The following MGAT4D variants were observed in gnomAD, a reference collection of about 807,000 sequenced individuals.
MGAT4D encodes MGAT4 family member D.
A neutral mutation model predicts 15.9 loss-of-function variants in MGAT4D; 34 were observed. The ratio of observed to expected loss-of-function variants is 2.14; its 90% CI spans 1.62 to 2.84. The LOEUF (loss-of-function observed/expected upper bound fraction) is 2.84. Ranked by LOEUF, MGAT4D falls within the 30% of genes most tolerant of loss-of-function variation. The pLI, the probability that MGAT4D is intolerant of heterozygous loss-of-function variation, is 0.00. For missense variants in MGAT4D, 327 were observed against 140.2 expected, an observed-to-expected ratio of 2.33 and a Z score of -6.73; for synonymous variants, 112 against 48.2, an observed-to-expected ratio of 2.33 and a Z score of -5.49.
intron 6 of MGAT4D, among the ~76,000 whole-genome samples, chr4:140,463,503 C>G (rs890300625): frequency 6.6e-6 from 1 of 151,916 alleles, no homozygotes; most frequent in African/African-American, 2.4e-5. Flanking sequence ...CATCCCTGCT[C>G]GTAGGGTTGC....
chr4:140,489,725 G>A (rs1342348464), intron 1 of MGAT4D, among the ~76,000 whole-genome samples: 1 of 152,108 alleles, frequency 6.6e-6, no homozygotes, highest in Non-Finnish European at 1.5e-5. Context: ...ATGTTCCAAT[G>A]TACTGAATAT....
At chr4:140,476,704 C>T (rs1267799342) in intron 3 of MGAT4D, among the ~76,000 whole-genome samples, 1 of 152,192 alleles carries the variant, frequency 6.6e-6, no homozygotes, top group Non-Finnish European at 1.5e-5. Context: ...AGCCTTTGCA[C>T]ACGCCATTCT....
At chr4:140,446,598 T>C (rs1414886471) in intron 10 of MGAT4D, among the ~76,000 whole-genome samples, 1 of 151,980 alleles carries the variant, frequency 6.6e-6, no homozygotes, top group Non-Finnish European at 1.5e-5. Flanking sequence ...TTCATATGTC[T>C]TATTAATTTC....
chr4:140,454,507 T>C (rs1397054439), intron 9 of MGAT4D, among the ~76,000 whole-genome samples: 1 of 152,174 alleles, frequency 6.6e-6, no homozygotes, highest in East Asian at 1.9e-4. Context: ...CAATTTACTA[T>C]TACTGGGAAG....
intron 10 of MGAT4D, among the ~76,000 whole-genome samples, chr4:140,444,074 G>A (rs576251031): frequency 6.6e-6 from 1 of 152,112 alleles, no homozygotes; most frequent in Non-Finnish European, 1.5e-5. Flanking sequence ...ATTGTTGCAT[G>A]TATTTTCACA....
intron 2 of MGAT4D, among the ~76,000 whole-genome samples, chr4:140,480,014 T>C (rs577706618): frequency 6.6e-6 from 1 of 152,178 alleles, no homozygotes; most frequent in Non-Finnish European, 1.5e-5. Flanking sequence ...AATGACTATA[T>C]TTGTAAACTT....
At chr4:140,455,109 C>T (rs13110530) in intron 9 of MGAT4D, among the ~76,000 whole-genome samples, 2,782 of 152,100 alleles carry the variant, frequency 0.018, 38 homozygotes, top group Non-Finnish European at 0.031. Context: ...TCTTCCCTCT[C>T]TTCCTTTGCT....
chr4:140,465,442 G>T (rs1027302890), intron 5 of MGAT4D, among the ~76,000 whole-genome samples: 16 of 152,266 alleles, frequency 1.1e-4, no homozygotes, highest in African/African-American at 3.6e-4. Flanking sequence ...AGCAAGCAAG[G>T]ATTTAGTCAG....
intron 10 of MGAT4D, among the ~76,000 whole-genome samples, chr4:140,445,708 T>C (rs912244623): frequency 3.3e-5 from 5 of 152,192 alleles, no homozygotes; most frequent in African/African-American, 4.8e-5. Context: ...TTTTTGTATA[T>C]GGTGTAAGGA....
At chr4:140,486,546 T>C (rs965660373) in intron 1 of MGAT4D, among the ~76,000 whole-genome samples, 2 of 152,132 alleles carry the variant, frequency 1.3e-5, no homozygotes, top group East Asian at 3.9e-4. Context: ...TGTGTCCATG[T>C]GTTCTCATTG....
intron 1 of MGAT4D, among the ~76,000 whole-genome samples, chr4:140,489,000 G>T (rs193103380): frequency 6.6e-6 from 1 of 152,264 alleles, no homozygotes; most frequent in East Asian, 1.9e-4. Context: ...AGAACTGGGA[G>T]CCAATTAAAC....
intron 1 of MGAT4D, among the ~76,000 whole-genome samples, chr4:140,484,053 C>A (rs1462079348): frequency 6.6e-6 from 1 of 151,960 alleles, no homozygotes; most frequent in Non-Finnish European, 1.5e-5. Context: ...GCAAAGTAAA[C>A]AATTAACAGA....
chr4:140,485,494 A>G (rs1733050417), intron 1 of MGAT4D, among the ~76,000 whole-genome samples: 1 of 152,080 alleles, frequency 6.6e-6, no homozygotes, highest in Admixed American at 6.6e-5. Context: ...TGGCACATGT[A>G]TACATATGTA....
At chr4:140,488,586 G>A (rs1455670012) in intron 1 of MGAT4D, among the ~76,000 whole-genome samples, 2 of 152,204 alleles carry the variant, frequency 1.3e-5, no homozygotes, top group African/African-American at 4.8e-5. Flanking sequence ...AGGAAGACTT[G>A]TGAACTTGTA....
At chr4:140,483,769 T>A (rs1364500486) in intron 1 of MGAT4D, among the ~76,000 whole-genome samples, 2 of 152,094 alleles carry the variant, frequency 1.3e-5, no homozygotes, top group Admixed American at 6.6e-5. Context: ...GAAAGAACAG[T>A]GTCTTCAATA....
At chr4:140,446,736 T>C (rs1360035906) in intron 10 of MGAT4D, among the ~76,000 whole-genome samples, 1 of 139,238 alleles carries the variant, frequency 7.2e-6, no homozygotes, top group African/African-American at 2.6e-5. Context: ...TTGCTTTTGC[T>C]TCTCTAGTTT....
intron 1 of MGAT4D, among the ~76,000 whole-genome samples, chr4:140,493,441 G>A (rs1182155725): frequency 4.6e-5 from 7 of 151,588 alleles, no homozygotes; most frequent in Non-Finnish European, 7.4e-5. Context: ...GACTACAGTC[G>A]CCCACGACCA....
chr4:140,486,780 GA>G (rs1239253337), intron 1 of MGAT4D, among the ~76,000 whole-genome samples: 1 of 152,192 alleles, frequency 6.6e-6, no homozygotes, highest in African/African-American at 2.4e-5. Context: ...TTCTTAAACT[GA>G]ATCATGCTTT....
chr4:140,483,165 T>C (rs1254175077), intron 1 of MGAT4D, among the ~76,000 whole-genome samples: 1 of 152,178 alleles, frequency 6.6e-6, no homozygotes, highest in Non-Finnish European at 1.5e-5. Flanking sequence ...GTTGTGAAGA[T>C]GTAGTGCTGA....
Sources: allele counts gnomAD v4.1 joint callset (sites outside exome capture counted in the v4.1 genomes callset), GRCh38; gene constraint gnomAD v4.1.1; transcripts MANE v1.5; gene names NCBI Gene and HGNC (gene_info 2026-07-23, HGNC 2026-07-21).